TCL1A: variants seen among roughly 807,000 people sequenced by gnomAD.
The protein encoded by TCL1A is T-cell leukemia/lymphoma protein 1A.
TCL1A carries 9 observed loss-of-function variants against 16.9 expected under a neutral mutation model. The observed-to-expected ratio is 0.53, with a 90% CI of 0.32 to 0.93. The LOEUF (loss-of-function observed/expected upper bound fraction) is 0.93, where lower values mean the gene tolerates loss of function less well. TCL1A is among the 40% of genes least tolerant of loss of function. The pLI, the probability that TCL1A is intolerant of heterozygous loss-of-function variation, is 0.04. For missense variants in TCL1A, 139 were observed against 153.0 expected (o/e 0.91, Z 0.48); for synonymous variants, 69 against 63.2 (o/e 1.09, Z -0.44).
At chr14:95,713,502 A>T (rs551678957) in intron 1 of TCL1A, among the ~76,000 whole-genome samples, 1 of 152,326 alleles carries the variant, frequency 6.6e-6, no homozygotes, top group African/African-American at 2.4e-5. Flanking sequence ...GAGGTAGTGG[A>T]AAATACTTCA....
At chr14:95,712,780 G>GAA in intron 1 of TCL1A, 1 of 775,572 alleles carries the variant, frequency 1.3e-6, no homozygotes, top group Non-Finnish European at 1.8e-6. Flanking sequence ...TGTATCTACA[G>GAA]GAAAAAAAAA....
chr14:95,713,888 TC>T (rs2139724049), intron 1 of TCL1A, 58 bp downstream of exon 1: 1 of 1,601,024 alleles, frequency 6.2e-7, no homozygotes, highest in East Asian at 2.2e-5. Flanking sequence ...TCCTAGGGCA[TC>T]CCAAGCTCCC....
At chr14:95,713,131 T>G (rs2139721968) in intron 1 of TCL1A, among the ~76,000 whole-genome samples, 1 of 152,348 alleles carries the variant, frequency 6.6e-6, no homozygotes. Context: ...TCCAACCCCA[T>G]TACCTACTAG....
chr14:95,711,185 C>T (rs1292627326), intron 3 of TCL1A, among the ~76,000 whole-genome samples: 1 of 151,422 alleles, frequency 6.6e-6, no homozygotes, highest in Admixed American at 6.6e-5. Flanking sequence ...TAAGGCCGGA[C>T]GTGGTGGCTC....
intron 1 of TCL1A, chr14:95,712,763 G>T: frequency 9.9e-7 from 1 of 1,009,688 alleles, no homozygotes; most frequent in Non-Finnish European, 1.4e-6. Flanking sequence ...GTCACAGAGC[G>T]AGACCCTGTA....
Sources: allele counts gnomAD v4.1 joint callset (sites outside exome capture counted in the v4.1 genomes callset), GRCh38; gene constraint gnomAD v4.1.1; transcripts MANE v1.5; gene names NCBI Gene and HGNC (gene_info 2026-07-23, HGNC 2026-07-21).